The following SEMA3B variants were observed in gnomAD, a reference collection of about 807,000 sequenced individuals.
SEMA3B encodes semaphorin-3B.
In SEMA3B, 71 loss-of-function variants were observed where a neutral mutation model predicts 77.8. That is an observed-to-expected ratio of 0.91 (90% CI 0.75 to 1.11). The LOEUF (loss-of-function observed/expected upper bound fraction) is 1.11, where lower values mean the gene tolerates loss of function less well. Among genes scored for constraint, SEMA3B ranks in the 50% most tolerant of loss-of-function variants. The pLI is 0.00. For missense variants in SEMA3B, 968 were observed against 1,056.8 expected (o/e 0.92, Z 1.17); for synonymous variants, 470 against 452.9 (o/e 1.04, Z -0.48).
At chr3:50,271,591 T>C in intron 6 of SEMA3B, 111 bp downstream of exon 6, 1 of 1,441,926 alleles carries the variant, frequency 6.9e-7, no homozygotes, top group Non-Finnish European at 9.3e-7. Context: ...TCTTACCAAA[T>C]ACCCTCCTTA....
rs1701172950 is a variant in SEMA3B at position 50,274,760 on chromosome 3, G to T, written c.1358-83G>T. The T allele has an allele frequency of 6.7e-7, 1 of 1,499,678 alleles. No individual in the cohort carries two copies. The allele number at this position is 1,499,678 out of a possible 1,614,324, so 92.9% of individuals were successfully genotyped here. ...ACTCTTCACAACCCAAACATGCTGA[G>T]GGTAGACGCCTCAAAGGCGAGGAGA... On this transcript the variant is annotated intron_variant, in intron 11 of 16. Coordinates refer to ENST00000616701, the MANE Select transcript of SEMA3B (RefSeq NM_001290060.2). This position sits in a 1 kb window ranked among gnomAD's most constrained non-coding sequence, Gnocchi z 4.7.
At chr3:50,261,441 G>A in the SEMA3B span, 1 of 152,608 alleles carries the variant, frequency 6.6e-6, no homozygotes, top group East Asian at 1.9e-4. Context: ...TAACCCATTT[G>A]GGGGGTGGGG....
In SEMA3B at chr3:50,275,435, C is replaced by A; in HGVS notation, c.1625C>A (p.Thr542Lys). 1 of 1,605,856 alleles carries A rather than the reference C, an allele frequency of 6.2e-7. No individual in the cohort carries two copies. Among genetic ancestry groups the A allele is most frequent in the Non-Finnish European group, 8.5e-7 (1 of 1,176,024 alleles). ...PYCAWDGVAC[T>K]RFQPSAKRRF... ...TGCGCCTGGGACGGGGTCGCGTGCA[C>A]GCGCTTCCAGCCCAGTGCCAAGAGG... is the stretch of plus-strand genomic sequence containing the variant. Residue 542 changes from threonine (T) to lysine (K), a missense_variant, in exon 14 of 17, where the codon ACG becomes AAG. Transcript: ENST00000616701. The surrounding 1 kb of genome is among the most constrained non-coding windows in gnomAD (Gnocchi z 7.5).
In SEMA3B at chr3:50,273,616, G is replaced by C. The variant is rs1559788528; in HGVS notation, c.892G>C (p.Val298Leu). The C allele has an allele frequency of 1.2e-6, 2 of 1,612,290 alleles. No individual in the cohort carries two copies. The highest frequency in any genetic ancestry group is 1.7e-6 in the Non-Finnish European group (2 of 1,179,678). ...KARLVCSVPG[V>L]EGDTHFDQLQ... ...GCGGCTGGTGTGCTCGGTGCCCGGC[G>C]TCGAGGGCGACACCCACTTCGATCA... Residue 298 changes from valine (V) to leucine (L), a missense_variant, in exon 8 of 17, where the codon GTC (valine) becomes CTC (leucine). By Grantham distance (32) the Val-to-Leu change is conservative. Transcript: ENST00000616701. This position sits in a 1 kb window ranked among gnomAD's most constrained non-coding sequence, Gnocchi z 6.5.
At chr3:50,268,772 T>C (rs1700966289), upstream of SEMA3B, 1 of 168,828 alleles carries the variant, frequency 5.9e-6, no homozygotes, top group Non-Finnish European at 1.3e-5. Flanking sequence ...CTTGGCACCC[T>C]CTGCATCCAT....
At position 50,269,303 on chromosome 3, in the gene SEMA3B, G is replaced by T; in HGVS notation, c.63G>T (p.Leu21=). 1.3e-6 allele frequency: 2 copies of T among 1,533,522 alleles called. No individual in the cohort carries two copies. The highest frequency in any genetic ancestry group is 2.4e-5 in the South Asian group (2 of 83,430). The allele number at this position is 1,533,522 out of a possible 1,614,324, so 95.0% of individuals were successfully genotyped here. Residue 21 remains leucine, a synonymous_variant, in exon 1 of 17, where the codon CTG becomes CTT. Coordinates refer to ENST00000616701, the MANE Select transcript of SEMA3B (RefSeq NM_001290060.2). This position sits in a 1 kb window ranked among gnomAD's most constrained non-coding sequence, Gnocchi z 4.0. ...TGGCCCTGCTCTGGGCAGTGGGGCTGGGGAGTGCCGCCCCCAGCCCCCCAC... is the reference window on the plus strand; with the variant it reads ...TGGCCCTGCTCTGGGCAGTGGGGCTTGGGAGTGCCGCCCCCAGCCCCCCAC... ...PGLALLWAVG[L]GSAAPSPPRL...
At chr3:50,265,953 A>G (rs782002362), upstream of SEMA3B, among the ~76,000 whole-genome samples, 23 of 152,182 alleles carry the variant, frequency 1.5e-4, no homozygotes, top group Non-Finnish European at 2.8e-4. Flanking sequence ...ACAGCACTCA[A>G]TGGGGACAGA....
chr3:50,269,027 G>A, upstream of SEMA3B: 1 of 585,946 alleles, frequency 1.7e-6, no homozygotes, highest in Non-Finnish European at 3.0e-6. The surrounding 1 kb of genome is among the most constrained non-coding windows in gnomAD (Gnocchi z 4.0). Context: ...GGCCAGGCGG[G>A]GCACCCTCGG....
Position 50,269,220 on chromosome 3 carries a change from T to C in SEMA3B, c.-21T>C. 4 of 1,518,154 alleles carry C rather than the reference T, an allele frequency of 2.6e-6. No individual in the cohort carries two copies. Among genetic ancestry groups the C allele is most frequent in the Non-Finnish European group, 2.7e-6 (3 of 1,130,496 alleles). 94.0% of individuals were successfully genotyped at this position (1,518,154 alleles called of 1,614,324 possible). A position where few individuals can be genotyped will look rare whatever the true frequency, so the allele number is the denominator to read the frequency against. ...CTCCACACACACACCCGCTGAACCCTGAGCACCCTGAGCTGCTGAGATGGG... is the reference window on the plus strand; with the variant it reads ...CTCCACACACACACCCGCTGAACCCCGAGCACCCTGAGCTGCTGAGATGGG... On this transcript the variant is annotated 5_prime_UTR_variant, in exon 1 of 17. Coordinates refer to ENST00000616701, the MANE Select transcript of SEMA3B (RefSeq NM_001290060.2). The surrounding 1 kb of genome is among the most constrained non-coding windows in gnomAD (Gnocchi z 4.0).
chr3:50,269,400 G>A lies in SEMA3B; in HGVS notation c.109+51G>A, dbSNP rs1173725659. The A allele has an allele frequency of 8.8e-7, 1 of 1,139,664 alleles. No individual in the cohort carries two copies. Among genetic ancestry groups the A allele is most frequent in the Non-Finnish European group, 1.2e-6 (1 of 822,682 alleles). The allele number at this position is 1,139,664 out of a possible 1,614,324, so 70.6% of individuals were successfully genotyped here. A position where few individuals can be genotyped will look rare whatever the true frequency, so the allele number is the denominator to read the frequency against. ...GCCCAGCTTGAGGTGGGCAGGAAAG[G>A]GTCCCCGTATGGCCAGGGGGCTCTG... On this transcript the variant is annotated intron_variant, in intron 1 of 16. Coordinates refer to ENST00000616701, the MANE Select transcript of SEMA3B (RefSeq NM_001290060.2). This position sits in a 1 kb window ranked among gnomAD's most constrained non-coding sequence, Gnocchi z 4.0.
Position 50,277,545 on chromosome 3 carries a change from C to CA in SEMA3B, c.*839_*840insA, listed in dbSNP as rs1701298399. 1.5e-5 allele frequency: 1 copy of CA among 68,394 alleles called. No individual in the cohort carries two copies. The highest frequency in any genetic ancestry group is 2.6e-5 in the Non-Finnish European group (1 of 38,590). 4.2% of individuals were successfully genotyped at this position (68,394 alleles called of 1,614,324 possible). On this transcript the variant is annotated 3_prime_UTR_variant, in exon 17 of 17. Transcript: ENST00000616701. ...CCAGCCTGGGCGACAGAGCGAGACTCCAAAAAAAAAAAAAAAAAAAAAAAA... is the reference window on the plus strand; with the variant it reads ...CCAGCCTGGGCGACAGAGCGAGACTCACAAAAAAAAAAAAAAAAAAAAAAAA...
Position 50,276,231 on chromosome 3 carries a change from G to T in SEMA3B, c.1846-71G>T. The T allele has an allele frequency of 7.0e-7, 1 of 1,422,406 alleles. No individual in the cohort carries two copies. The highest frequency in any genetic ancestry group is 9.1e-7 in the Non-Finnish European group (1 of 1,093,044). 88.1% of individuals were successfully genotyped at this position (1,422,406 alleles called of 1,614,324 possible). ...CTCCCAATGACTCTTTGCTTCTTCC[G>T]TCGCGTGCTAGGGCCCGGAAGCCCT... On this transcript the variant is annotated intron_variant, in intron 16 of 16. Coordinates refer to ENST00000616701, the MANE Select transcript of SEMA3B (RefSeq NM_001290060.2). The surrounding 1 kb of genome is among the most constrained non-coding windows in gnomAD (Gnocchi z 5.8).
chr3:50,276,842 C>A lies in SEMA3B; in HGVS notation c.*136C>A. The A allele has an allele frequency of 1.9e-6, 2 of 1,081,050 alleles. No homozygotes were observed. The highest frequency in any genetic ancestry group is 2.5e-6 in the Non-Finnish European group (2 of 801,378). 67.0% of individuals were successfully genotyped at this position (1,081,050 alleles called of 1,614,324 possible). On this transcript the variant is annotated 3_prime_UTR_variant, in exon 17 of 17. Coordinates refer to ENST00000616701, the MANE Select transcript of SEMA3B (RefSeq NM_001290060.2). The surrounding 1 kb of genome is among the most constrained non-coding windows in gnomAD (Gnocchi z 5.8). ...CCGATGGAGACACCAACCGACAGGCCCTGGCTGAGGGCAGCTGCGCGGGCT... is the reference window on the plus strand; with the variant it reads ...CCGATGGAGACACCAACCGACAGGCACTGGCTGAGGGCAGCTGCGCGGGCT...
Position 50,275,457 on chromosome 3 carries a change from G to C in SEMA3B, c.1647G>C (p.Lys549Asn). 6.2e-7 allele frequency: 1 copy of C among 1,608,078 alleles called. No homozygotes were observed. Among genetic ancestry groups the C allele is most frequent in the East Asian group, 2.2e-5 (1 of 44,694 alleles). Residue 549 changes from lysine to asparagine, a missense_variant and splice_region_variant, in exon 14 of 17, where the codon AAG (lysine) becomes AAC (asparagine). Coordinates refer to ENST00000616701, the MANE Select transcript of SEMA3B (RefSeq NM_001290060.2). This position sits in a 1 kb window ranked among gnomAD's most constrained non-coding sequence, Gnocchi z 7.5. ...GCACGCGCTTCCAGCCCAGTGCCAA[G>C]AGGTGGGCGGGGTCGGGGTTGGGCC... ...VACTRFQPSAKRRFRRQDVRN... is the reference protein window; with the variant it reads ...VACTRFQPSANRRFRRQDVRN...
In SEMA3B at chr3:50,271,081, CT is replaced by C. The variant is rs1701034968; in HGVS notation, c.451-6del. 1.3e-6 allele frequency: 2 copies of C among 1,577,088 alleles called. No individual in the cohort carries two copies. Among genetic ancestry groups the C allele is most frequent in the Admixed American group, 1.9e-5 (1 of 53,768 alleles). ...GCCTGGTAGTCACAACTTGCCACAC[CT>C]CCCAGGAGCCCGTCCTCCGGCTGGA... On this transcript the variant is annotated splice_polypyrimidine_tract_variant and splice_region_variant and intron_variant, in intron 4 of 16. Transcript: ENST00000616701.
chr3:50,274,276 C>T lies in SEMA3B; in HGVS notation c.1138-87C>T, dbSNP rs1318341358. 1.8e-5 allele frequency: 23 copies of T among 1,249,946 alleles called. No homozygotes were observed. The Admixed American group carries it at 5.0e-4, about 27-fold the overall frequency. The allele number at this position is 1,249,946 out of a possible 1,614,324, so 77.4% of individuals were successfully genotyped here. ...GCAGGGTTCTGTCCCCATCCCCCTC[C>T]ATGTTCCCAGAGGCTGGGCATGGAG... On this transcript the variant is annotated intron_variant, in intron 10 of 16. Transcript: ENST00000616701. The surrounding 1 kb of genome is among the most constrained non-coding windows in gnomAD (Gnocchi z 4.7).
rs782591965 is a variant in SEMA3B at position 50,270,269 on chromosome 3, C to G, written c.252C>G (p.Ser84Arg). 3.7e-6 allele frequency: 6 copies of G among 1,613,310 alleles called. No homozygotes were observed. The African/African-American group carries it at 8.0e-5, about 22-fold the overall frequency. The change falls in exon 2 of 17, where the codon AGC becomes AGG. Residue 84 changes from serine (S) to arginine (R), a missense_variant. Ser to Arg is a moderately radical substitution (Grantham distance 110). Transcript: ENST00000616701. The surrounding 1 kb of genome is among the most constrained non-coding windows in gnomAD (Gnocchi z 4.7). ...HVASLNLDNI[S>R]KRAKKLAWPA... ...CCTCCCTCAACCTGGACAACATCAG[C>G]AAGCGGGCCAAGAAGGTGCCAGGGA... is the stretch of plus-strand genomic sequence containing the variant.
In SEMA3B at chr3:50,275,124, C is replaced by G; in HGVS notation, c.1491+71C>G. 6 of 1,510,310 alleles carry G rather than the reference C, an allele frequency of 4.0e-6. No homozygotes were observed. The highest frequency in any genetic ancestry group is 5.3e-6 in the Non-Finnish European group (6 of 1,127,258). The allele number at this position is 1,510,310 out of a possible 1,614,324, so 93.6% of individuals were successfully genotyped here. The stretch of plus-strand genomic sequence containing the variant: ...GCCTGGCGCGTCCCAAGCCTCTGGC[C>G]CCTTTTGGTAGTTTGCAGTCCCGGG... On this transcript the variant is annotated intron_variant, in intron 13 of 16. Transcript: ENST00000616701. This position sits in a 1 kb window ranked among gnomAD's most constrained non-coding sequence, Gnocchi z 7.5.
chr3:50,273,256 C>T lies in SEMA3B; in HGVS notation c.665-42C>T, dbSNP rs1701108408. 3 of 1,590,020 alleles carry T rather than the reference C, an allele frequency of 1.9e-6. No individual in the cohort carries two copies. The highest frequency in any genetic ancestry group is 2.3e-5 in the East Asian group (1 of 44,192). On this transcript the variant is annotated intron_variant, in intron 6 of 16. Coordinates refer to ENST00000616701, the MANE Select transcript of SEMA3B (RefSeq NM_001290060.2). This position sits in a 1 kb window ranked among gnomAD's most constrained non-coding sequence, Gnocchi z 6.5. Reference sequence around the variant, plus strand: ...AGCGCGTGGGTCTCGCATCAGGAGGCAAGGCCAGGACCCGCTGACCCATGC... The same window carrying T: ...AGCGCGTGGGTCTCGCATCAGGAGGTAAGGCCAGGACCCGCTGACCCATGC...
Sources: gnomAD v4.1 joint callset for allele counts (sites outside exome capture counted in the v4.1 genomes callset) on GRCh38, gnomAD v4.1.1 for gene constraint, Gnocchi (gnomAD v3.1) non-coding constraint, MANE v1.5 for transcripts, NCBI Gene and HGNC (gene_info 2026-07-23, HGNC 2026-07-21) for gene names.